Variants in STYX observed in about 807,000 individuals in gnomAD.
STYX encodes serine/threonine/tyrosine-interacting protein.
STYX carries 20 observed loss-of-function variants against 42.7 expected under a neutral mutation model. The observed-to-expected ratio is 0.47, with a 90% CI of 0.33 to 0.68. The LOEUF (loss-of-function observed/expected upper bound fraction) is 0.68. STYX is among the 30% of genes least tolerant of loss of function. The pLI is 0.02. For synonymous variants in STYX, 78 were observed against 81.9 expected (o/e 0.95, Z 0.26); for missense variants, 226 against 268.5 (o/e 0.84, Z 1.11).
chr14:52,761,835 A>G (rs61672371), intron 9 of STYX, among the ~76,000 whole-genome samples: 2,544 of 149,900 alleles, frequency 0.017, 68 homozygotes, highest in African/African-American at 0.059. Context: ...ACCTGAGATC[A>G]GGAGTTTGAG....
chr14:52,772,698 G>A lies in STYX; in HGVS notation c.*1592G>A, dbSNP rs1882559051. The A allele has an allele frequency of 6.6e-6, 1 of 152,532 alleles. No individual in the cohort carries two copies. Among genetic ancestry groups the A allele is most frequent in the African/African-American group, 2.4e-5 (1 of 41,416 alleles). The allele number at this position is 152,532 out of a possible 1,614,324, so 9.4% of individuals were successfully genotyped here. A position where few individuals can be genotyped will look rare whatever the true frequency, so the allele number is the denominator to read the frequency against. ...TTCCTCTCTATGATGTGATAATACA[G>A]TAAAAGCTTTCTTACCCAGCATAGT... On this transcript the variant is annotated 3_prime_UTR_variant, in exon 11 of 11. Transcript: ENST00000354586.
chr14:52,763,024 C>G (rs1882161421), intron 9 of STYX, among the ~76,000 whole-genome samples: 1 of 151,134 alleles, frequency 6.6e-6, no homozygotes, highest in South Asian at 2.1e-4. Flanking sequence ...TCCAGAATAG[C>G]TGGGATTTAC....
intron 1 of STYX, among the ~76,000 whole-genome samples, chr14:52,738,001 C>A (rs940531834): frequency 3.3e-5 from 5 of 152,194 alleles, no homozygotes; most frequent in Admixed American, 6.5e-5. Context: ...TGGTCTCGAT[C>A]TCCTGACCCT....
chr14:52,735,884 A>C (rs933526641), intron 1 of STYX, among the ~76,000 whole-genome samples: 8 of 152,244 alleles, frequency 5.3e-5, no homozygotes, highest in African/African-American at 1.7e-4. Context: ...AATTTAGATC[A>C]GTCAGTTTGT....
chr14:52,734,142 A>AG (rs1414383820), intron 1 of STYX, among the ~76,000 whole-genome samples: 1 of 152,216 alleles, frequency 6.6e-6, no homozygotes, highest in East Asian at 1.9e-4. Flanking sequence ...TGATTTGTTG[A>AG]GGACAGCCAA....
chr14:52,733,337 A>G (rs1036817151), intron 1 of STYX, among the ~76,000 whole-genome samples: 10 of 151,806 alleles, frequency 6.6e-5, no homozygotes, highest in Non-Finnish European at 4.4e-5. Flanking sequence ...TTGAAAACAC[A>G]CTCTTTTTTT....
At position 52,746,407 on chromosome 14, in the gene STYX, C is replaced by CA. The variant is rs1485983613; in HGVS notation, c.91-16dup. Reference sequence around the variant, plus strand: ...TTTAAATTGCTGATGGTAAATACCTCAAATTTTTTTTTTTCTAGGAAATTT... The same window carrying CA: ...TTTAAATTGCTGATGGTAAATACCTCAAAATTTTTTTTTTTCTAGGAAATTT... On this transcript the variant is annotated intron_variant, in intron 2 of 10. Transcript: ENST00000354586. 1 of 1,546,174 alleles carries CA rather than the reference C, an allele frequency of 6.5e-7. No individual in the cohort carries two copies. Among genetic ancestry groups the CA allele is most frequent in the Non-Finnish European group, 8.7e-7 (1 of 1,151,960 alleles).
chr14:52,769,781 C>T (rs893057008), intron 10 of STYX, among the ~76,000 whole-genome samples: 1 of 152,008 alleles, frequency 6.6e-6, no homozygotes, highest in East Asian at 1.9e-4. Flanking sequence ...GGATTTGCCT[C>T]CTTTCCAAAC....
intron 4 of STYX, among the ~76,000 whole-genome samples, chr14:52,752,181 A>C (rs1594873253): frequency 2.8e-5 from 1 of 36,306 alleles, no homozygotes; most frequent in South Asian, 1.1e-3. Context: ...AAAACAAAAC[A>C]AAAAAAAAAC....
intron 4 of STYX, among the ~76,000 whole-genome samples, chr14:52,751,451 G>C (rs1208289199): frequency 2.0e-5 from 3 of 151,638 alleles, no homozygotes; most frequent in East Asian, 3.8e-4. Context: ...TTGCAGAATT[G>C]CTGGATATAA....
Position 52,757,299 on chromosome 14 carries a change from C to T in STYX, c.304-20C>T, listed in dbSNP as rs2139918562. The T allele has an allele frequency of 6.9e-6, 11 of 1,591,506 alleles. No homozygotes were observed. The highest frequency in any genetic ancestry group is 8.6e-6 in the Non-Finnish European group (10 of 1,165,984). ...CATTTATTTTATGCTTACATTAATCCACATGTCTTTTGCCTCCAGACTAAG... is the reference window on the plus strand; with the variant it reads ...CATTTATTTTATGCTTACATTAATCTACATGTCTTTTGCCTCCAGACTAAG... On this transcript the variant is annotated intron_variant, in intron 5 of 10. Transcript: ENST00000354586.
At chr14:52,763,480 A>G (rs949547755) in intron 9 of STYX, among the ~76,000 whole-genome samples, 5 of 152,154 alleles carry the variant, frequency 3.3e-5, no homozygotes, top group African/African-American at 9.7e-5. Flanking sequence ...ATTCAAGGCT[A>G]TTAATTATCC....
chr14:52,744,561 G>C (rs1055134184), intron 1 of STYX, among the ~76,000 whole-genome samples: 2 of 152,196 alleles, frequency 1.3e-5, no homozygotes, highest in African/African-American at 4.8e-5. Flanking sequence ...AGTTTTGGGA[G>C]AATCTTCTGG....
At chr14:52,752,675 G>T (rs1307971564) in intron 4 of STYX, among the ~76,000 whole-genome samples, 1 of 151,846 alleles carries the variant, frequency 6.6e-6, no homozygotes, top group East Asian at 1.9e-4. Context: ...GCAGGGTGTG[G>T]AACAATGTAT....
intron 1 of STYX, among the ~76,000 whole-genome samples, chr14:52,739,632 CTTTTT>C (rs58454717): frequency 8.8e-4 from 58 of 65,728 alleles, no homozygotes; most frequent in Middle Eastern, 0.021. Flanking sequence ...TCCTTTCTTT[CTTTTT>C]TTTTTTTTTT....
At chr14:52,754,981 C>T (rs1881792216) in intron 4 of STYX, among the ~76,000 whole-genome samples, 1 of 152,056 alleles carries the variant, frequency 6.6e-6, no homozygotes. Flanking sequence ...TAACATTTTT[C>T]CCCTGAAGCA....
intron 2 of STYX, 103 bp downstream of exon 2, chr14:52,744,987 C>T (rs1223846174): frequency 1.1e-6 from 1 of 888,300 alleles, no homozygotes; most frequent in Non-Finnish European, 1.7e-6. Flanking sequence ...TCTGTAGGTT[C>T]ATCATTATGT....
intron 3 of STYX, among the ~76,000 whole-genome samples, chr14:52,749,314 A>G (rs925045877): frequency 1.3e-5 from 2 of 152,232 alleles, no homozygotes; most frequent in Non-Finnish European, 2.9e-5. Context: ...GGATTTCAAC[A>G]TAAGAATTTG....
At chr14:52,752,888 T>G (rs891615033) in intron 4 of STYX, among the ~76,000 whole-genome samples, 20 of 145,054 alleles carry the variant, frequency 1.4e-4, no homozygotes, top group African/African-American at 2.0e-4. Context: ...TGTTGTTTTT[T>G]TTTTTTTTTT....
Sources: allele counts gnomAD v4.1 joint callset (sites outside exome capture counted in the v4.1 genomes callset), GRCh38; gene constraint gnomAD v4.1.1; transcripts MANE v1.5; gene names NCBI Gene and HGNC (gene_info 2026-07-23, HGNC 2026-07-21).